The following FUBP1 variants were observed in gnomAD, a reference collection of about 807,000 sequenced individuals.
The protein encoded by FUBP1 is far upstream element-binding protein 1.
In FUBP1, 16 loss-of-function variants were observed where a neutral mutation model predicts 94.9. That is an observed-to-expected ratio of 0.17 (90% CI 0.11 to 0.26). The LOEUF (loss-of-function observed/expected upper bound fraction) is 0.26, where lower values mean the gene tolerates loss of function less well. FUBP1 is among the 10% of genes least tolerant of loss of function. The pLI is 1.00. For synonymous variants in FUBP1, 279 were observed against 254.9 expected (o/e 1.09, Z -0.90); for missense variants, 583 against 808.6 (o/e 0.72, Z 3.38).
At chr1:77,953,281 G>T (rs1224201865) in intron 18 of FUBP1, among the ~76,000 whole-genome samples, 1 of 152,060 alleles carries the variant, frequency 6.6e-6, no homozygotes, top group Non-Finnish European at 1.5e-5. Context: ...CCTGAGGTCA[G>T]GAGTTTGAGA....
chr1:77,970,077 C>G (rs144632476), intron 1 of FUBP1, 62 bp from the exon 2 acceptor site: 2 of 754,134 alleles, frequency 2.7e-6, no homozygotes, highest in East Asian at 6.1e-5. Flanking sequence ...ACTAAATTAC[C>G]CCCATTTACT....
At chr1:77,976,287 A>C (rs1371911864) in intron 1 of FUBP1, among the ~76,000 whole-genome samples, 1 of 152,240 alleles carries the variant, frequency 6.6e-6, no homozygotes, top group Non-Finnish European at 1.5e-5. Flanking sequence ...TGACATTTAG[A>C]GATATCATCA....
chr1:77,949,430 TTGACC>T, intron 18 of FUBP1, 130 bp from the exon 19 acceptor site: 1 of 682,508 alleles, frequency 1.5e-6, no homozygotes, highest in Middle Eastern at 3.3e-4. Flanking sequence ...TTTGCCCTTG[TTGACC>T]AAAAAAAAAA....
Position 77,978,571 on chromosome 1 carries a change from C to T in FUBP1, c.120+314G>A, listed in dbSNP as rs115536338. Among the ~76,000 whole-genome samples, 768 of 152,330 alleles carry T rather than the reference C, an allele frequency of 5.0e-3. 6 individuals are homozygous for T. The highest frequency in any genetic ancestry group is 0.017 in the African/African-American group (720 of 41,576). ...ATTAAATTGTGTGAAACTAACTGCG[C>T]TTTATCCCCTGGAAGAGGATCTTTA... On this transcript the variant is annotated intron_variant, in intron 1 of 19. Coordinates refer to ENST00000370768, the MANE Select transcript of FUBP1 (RefSeq NM_003902.5).
Position 77,964,699 on chromosome 1 carries a change from T to C in FUBP1, c.784A>G (p.Arg262Gly). The C allele has an allele frequency of 6.2e-7, 1 of 1,613,436 alleles. No individual in the cohort carries two copies. Among genetic ancestry groups the C allele is most frequent in the Non-Finnish European group, 8.5e-7 (1 of 1,179,366 alleles). Residue 262 changes from arginine (R) to glycine (G), a missense_variant, in exon 10 of 20, where the codon AGA (arginine) becomes GGA (glycine). Transcript: ENST00000370768. The part of the protein sequence containing the change: ...LELIRDQGGF[R>G]EVRNEYGSRI... ...GACCCATACTCATTCCGAACTTCTC[T>C]GAAACCGCCTTGATCACGAATTAAC...
Position 77,960,527 on chromosome 1 carries a change from G to GA in FUBP1, c.1345-33dup, listed in dbSNP as rs1464427567. The GA allele has an allele frequency of 2.6e-6, 4 of 1,552,042 alleles. No homozygotes were observed. In the South Asian group the frequency reaches 4.6e-5, roughly 18 times the overall value. On this transcript the variant is annotated intron_variant, in intron 14 of 19. Transcript: ENST00000370768. Reference sequence around the variant, plus strand: ...AAAAAAGGATGACATAGAAAAATCAGAAAAACACAGTAATGGTTAAACAAC... The same window carrying GA: ...AAAAAAGGATGACATAGAAAAATCAGAAAAAACACAGTAATGGTTAAACAAC...
intron 2 of FUBP1, among the ~76,000 whole-genome samples, chr1:77,969,702 T>A (rs1657155123): frequency 6.6e-6 from 1 of 152,110 alleles, no homozygotes; most frequent in Non-Finnish European, 1.5e-5. Flanking sequence ...TGTTTTCTAT[T>A]AAGACAAAAC....
At chr1:77,968,335 T>C in intron 2 of FUBP1, 132 bp from the exon 3 acceptor site, 2 of 619,642 alleles carry the variant, frequency 3.2e-6, no homozygotes, top group South Asian at 4.1e-5. Flanking sequence ...GAACCAAAAC[T>C]GCCAAAATTC....
At chr1:77,978,640 G>A (rs1243332560) in intron 1 of FUBP1, among the ~76,000 whole-genome samples, 5 of 152,220 alleles carry the variant, frequency 3.3e-5, no homozygotes, top group Non-Finnish European at 5.9e-5. Flanking sequence ...GCAGAAGCGG[G>A]AGAAAGACTT....
Position 77,960,389 on chromosome 1 carries a change from T to C in FUBP1, c.1451A>G (p.Tyr484Cys). 6.2e-7 allele frequency: 1 copy of C among 1,600,686 alleles called. No individual in the cohort carries two copies. Among genetic ancestry groups the C allele is most frequent in the South Asian group, 1.1e-5 (1 of 88,856 alleles). ...TCCAGGATTATAAGGTGCAGGGTTG[T>C]ATGGTCCCATTGGAGTTCCAGGCCC... ...PPGPGTPMGP[Y>C]NPAPYNPGPP... Residue 484 changes from tyrosine to cysteine, a missense_variant, in exon 15 of 20, where the codon TAC becomes TGC. By Grantham distance (194) the Tyr-to-Cys change is radical (BLOSUM62 -2). Transcript: ENST00000370768.
At chr1:77,959,410 G>A (rs1655046995) in intron 16 of FUBP1, among the ~76,000 whole-genome samples, 1 of 152,064 alleles carries the variant, frequency 6.6e-6, no homozygotes, top group African/African-American at 2.4e-5. Context: ...ATACAGGCCT[G>A]ATTTTTACTC....
At chr1:77,955,678 T>C (rs575763289) in intron 17 of FUBP1, among the ~76,000 whole-genome samples, 49 of 152,312 alleles carry the variant, frequency 3.2e-4, no homozygotes, top group South Asian at 1.9e-3. Context: ...GAAACGGATG[T>C]GGTGATATGA....
At chr1:77,953,218 A>T (rs11806130) in intron 18 of FUBP1, among the ~76,000 whole-genome samples, 1 of 151,678 alleles carries the variant, frequency 6.6e-6, no homozygotes, top group East Asian at 1.9e-4. Context: ...GGCTGGGTGC[A>T]GTGGCTCACA....
chr1:77,971,072 A>AC (rs143457560), intron 1 of FUBP1, among the ~76,000 whole-genome samples: 1,751 of 152,060 alleles, frequency 0.012, 32 homozygotes, highest in African/African-American at 0.041. Context: ...AAAAAAAAAA[A>AC]CCTGGCTTCA....
intron 2 of FUBP1, among the ~76,000 whole-genome samples, chr1:77,968,460 T>C (rs917369452): frequency 6.6e-6 from 1 of 152,086 alleles, no homozygotes; most frequent in East Asian, 1.9e-4. Context: ...CCTTAATGTA[T>C]GTTAAGCACA....
intron 18 of FUBP1, among the ~76,000 whole-genome samples, chr1:77,953,374 C>T (rs1653866494): frequency 1.3e-5 from 2 of 152,082 alleles, no homozygotes; most frequent in Non-Finnish European, 2.9e-5. Flanking sequence ...GCCTGTAATC[C>T]CAGCTACTTG....
intron 16 of FUBP1, among the ~76,000 whole-genome samples, chr1:77,957,154 A>G (rs1056425315): frequency 3.9e-5 from 6 of 152,236 alleles, no homozygotes; most frequent in African/African-American, 1.2e-4. Context: ...TTTTCAATGA[A>G]GAGAAAATAT....
chr1:77,960,603 A>G, intron 14 of FUBP1, 108 bp from the exon 15 acceptor site: 2 of 880,912 alleles, frequency 2.3e-6, no homozygotes, highest in Non-Finnish European at 3.3e-6. Context: ...CACAAATAAC[A>G]AATTTTAGGT....
chr1:77,955,339 G>GCAAAA lies in FUBP1; in HGVS notation c.1706-15_1706-11dup, dbSNP rs766759011. On this transcript the variant is annotated splice_polypyrimidine_tract_variant and intron_variant, in intron 17 of 19. Coordinates refer to ENST00000370768, the MANE Select transcript of FUBP1 (RefSeq NM_003902.5). ...GGATTCTGCTGATCTCCTTGTTCAAGCAAAACAAAACAAAAAACAGAATTA... is the reference window on the plus strand; with the variant it reads ...GGATTCTGCTGATCTCCTTGTTCAAGCAAAACAAAACAAAACAAAAAACAGAATTA... 9.7e-6 allele frequency: 15 copies of GCAAAA among 1,541,196 alleles called. No individual in the cohort carries two copies. Among genetic ancestry groups the GCAAAA allele is most frequent in the Non-Finnish European group, 2.7e-6 (3 of 1,115,208 alleles).
Sources: gnomAD v4.1 joint callset for allele counts (sites outside exome capture counted in the v4.1 genomes callset) on GRCh38, gnomAD v4.1.1 for gene constraint, MANE v1.5 for transcripts, NCBI Gene and HGNC (gene_info 2026-07-23, HGNC 2026-07-21) for gene names.